RMI2: variants seen among roughly 807,000 people sequenced by gnomAD.
The protein encoded by RMI2 is recQ-mediated genome instability protein 2.
RMI2 carries 11 observed loss-of-function variants against 8.4 expected under a neutral mutation model. The observed-to-expected ratio is 1.32, with a 90% CI of 0.83 to 2.18. RMI2 has a LOEUF of 2.18. Ranked by LOEUF, RMI2 falls within the 30% of genes most tolerant of loss-of-function variation. RMI2 has a pLI of 0.00. For synonymous variants in RMI2, 105 were observed against 93.8 expected, an observed-to-expected ratio of 1.12 and a Z score of -0.69; for missense variants, 253 against 207.5, an observed-to-expected ratio of 1.22 and a Z score of -1.35.
rs1597759432 is a variant in RMI2 at position 11,349,240 on chromosome 16, G to GT, written c.296-1401dup. 6.5e-6 allele frequency: 1 copy of GT among 152,686 alleles called. No individual in the cohort carries two copies. Among genetic ancestry groups the GT allele is most frequent in the East Asian group, 1.9e-4 (1 of 5,200 alleles). The allele number at this position is 152,686 out of a possible 1,614,324, so 9.5% of individuals were successfully genotyped here. The stretch of plus-strand genomic sequence containing the variant: ...TGACAATGTTGACTGCAGCAGTGGG[G>GT]TGGGGATGGTTTCGAAGAGGAGGAA... On this transcript the variant is annotated intron_variant, in intron 1 of 1. Transcript: ENST00000312499. The surrounding 1 kb of genome is among the most constrained non-coding windows in gnomAD (Gnocchi z 4.2).
chr16:11,345,949 G>T (rs1172321200), intron 1 of RMI2, among the ~76,000 whole-genome samples, 183 bp downstream of exon 1: 2 of 150,998 alleles, frequency 1.3e-5, no homozygotes, highest in African/African-American at 4.9e-5. Context: ...TGGTGAAGTT[G>T]ATCTGATGAT....
At chr16:11,348,897 G>C (rs1227732302) in intron 1 of RMI2, 1 of 152,362 alleles carries the variant, frequency 6.6e-6, no homozygotes, top group Non-Finnish European at 1.5e-5. Context: ...GCGTGCCTTT[G>C]GGGAGCCTGG....
chr16:11,351,350 C>T lies in RMI2; in HGVS notation c.*560C>T, dbSNP rs908995290. 1.3e-5 allele frequency: 3 copies of T among 232,726 alleles called. No individual in the cohort carries two copies. Among genetic ancestry groups the T allele is most frequent in the Non-Finnish European group, 2.5e-5 (3 of 117,824 alleles). 14.4% of individuals were successfully genotyped at this position (232,726 alleles called of 1,614,324 possible). On this transcript the variant is annotated 3_prime_UTR_variant, in exon 2 of 2. Transcript: ENST00000312499. ...TGGCGGCCCCTGAAAGACAACAGCT[C>T]CCTTTCTGCTTCGGACACCACTCAA... is the stretch of plus-strand genomic sequence containing the variant.
Position 11,350,731 on chromosome 16 carries a change from C to T in RMI2, c.385C>T (p.Pro129Ser), listed in dbSNP as rs1433309454. The change falls in exon 2 of 2, where the codon CCC becomes TCC. Residue 129 changes from proline (P) to serine (S), a missense_variant. Pro to Ser is a moderately conservative substitution (Grantham distance 74). Transcript: ENST00000312499. ...AVKMTDLSDN[P>S]IHESMWELEV... is the part of the protein sequence containing the mutation. ...GAAGATGACAGACCTTTCTGATAAT[C>T]CCATCCATGAAAGTATGTGGGAACT... 4.3e-6 allele frequency: 7 copies of T among 1,613,138 alleles called. No individual in the cohort carries two copies. The highest frequency in any genetic ancestry group is 5.9e-6 in the Non-Finnish European group (7 of 1,179,332).
Position 11,345,771 on chromosome 16 carries a change from T to C in RMI2, c.295+5T>C. Reference sequence around the variant, plus strand: ...GGCGGCCCTGTCTAGTCCCAGGTAATGCCCGGGCCTTACCGGGCGCCCTCT... The same window carrying C: ...GGCGGCCCTGTCTAGTCCCAGGTAACGCCCGGGCCTTACCGGGCGCCCTCT... On this transcript the variant is annotated splice_donor_5th_base_variant and intron_variant, in intron 1 of 1. Coordinates refer to ENST00000312499, the MANE Select transcript of RMI2 (RefSeq NM_152308.3). The C allele has an allele frequency of 8.1e-7, 1 of 1,235,028 alleles. No individual in the cohort carries two copies. Among genetic ancestry groups the C allele is most frequent in the Non-Finnish European group, 1.0e-6 (1 of 989,410 alleles). 76.5% of individuals were successfully genotyped at this position (1,235,028 alleles called of 1,614,324 possible).
chr16:11,350,972 C>T lies in RMI2; in HGVS notation c.*182C>T. 2.1e-6 allele frequency: 1 copy of T among 487,462 alleles called. No homozygotes were observed. The highest frequency in any genetic ancestry group is 3.1e-5 in the South Asian group (1 of 31,948). The allele number at this position is 487,462 out of a possible 1,614,324, so 30.2% of individuals were successfully genotyped here. ...TTTAAATCCTCGGATACTTCAGTGA[C>T]ACAGCCTCTGCTGCCCCTTGCTTTG... On this transcript the variant is annotated 3_prime_UTR_variant, in exon 2 of 2. Transcript: ENST00000312499.
Position 11,351,013 on chromosome 16 carries a change from G to A in RMI2, c.*223G>A. ...CCTTGCTTTGCCTGTGTTTGCTGAT[G>A]AAAAGCAGATGCTTGTGTTTCATTT... On this transcript the variant is annotated 3_prime_UTR_variant, in exon 2 of 2. Transcript: ENST00000312499. The A allele has an allele frequency of 2.5e-6, 1 of 394,806 alleles. No homozygotes were observed. The highest frequency in any genetic ancestry group is 4.5e-6 in the Non-Finnish European group (1 of 221,332). The allele number at this position is 394,806 out of a possible 1,614,324, so 24.5% of individuals were successfully genotyped here.
chr16:11,348,471 C>T (rs2070914216), intron 1 of RMI2: 2 of 152,302 alleles, frequency 1.3e-5, no homozygotes, highest in Admixed American at 6.5e-5. Flanking sequence ...ACCTGTCTGA[C>T]ATACCCACTG....
Position 11,350,816 on chromosome 16 carries a change from C to T in RMI2, c.*26C>T. The T allele has an allele frequency of 6.4e-7, 1 of 1,569,620 alleles. No homozygotes were observed. The highest frequency in any genetic ancestry group is 8.6e-7 in the Non-Finnish European group (1 of 1,156,990). ...AGTATGTTGGAACTGTCGTTAAAAA[C>T]AACCAAAATCCCGAAACTATTTAGA... is the stretch of plus-strand genomic sequence containing the variant. On this transcript the variant is annotated 3_prime_UTR_variant, in exon 2 of 2. Transcript: ENST00000312499.
In RMI2 at chr16:11,349,277, A is replaced by T. The variant is rs2070929224; in HGVS notation, c.296-1365A>T. On this transcript the variant is annotated intron_variant, in intron 1 of 1. Coordinates refer to ENST00000312499, the MANE Select transcript of RMI2 (RefSeq NM_152308.3). The surrounding 1 kb of genome is among the most constrained non-coding windows in gnomAD (Gnocchi z 4.2). ...TCGAAGAGGAGGAAGCTGGCAGGAG[A>T]TGGGCTGGAGCCATTGGAATGGTCA... is the stretch of plus-strand genomic sequence containing the variant. 6.6e-6 allele frequency: 1 copy of T among 152,406 alleles called. No homozygotes were observed. The highest frequency in any genetic ancestry group is 6.6e-5 in the Admixed American group (1 of 15,250). The allele number at this position is 152,406 out of a possible 1,614,324, so 9.4% of individuals were successfully genotyped here.
At chr16:11,347,943 G>A (rs1294735734) in intron 1 of RMI2, among the ~76,000 whole-genome samples, 1 of 152,108 alleles carries the variant, frequency 6.6e-6, no homozygotes, top group Admixed American at 6.5e-5. Context: ...ACCACACCCG[G>A]CTAATTTTTG....
Position 11,350,620 on chromosome 16 carries a change from T to C in RMI2, c.296-22T>C, listed in dbSNP as rs766412930. On this transcript the variant is annotated intron_variant, in intron 1 of 1. Transcript: ENST00000312499. The stretch of plus-strand genomic sequence containing the variant: ...AAGAAAAAAAAAAAGAACATTACTA[T>C]GGGCTTTTCTTCTTTTTCTAGGAAA... 2.0e-6 allele frequency: 3 copies of C among 1,523,444 alleles called. No individual in the cohort carries two copies. In the Admixed American group the frequency reaches 7.0e-5, roughly 35 times the overall value. The allele number at this position is 1,523,444 out of a possible 1,614,324, so 94.4% of individuals were successfully genotyped here. A position where few individuals can be genotyped will look rare whatever the true frequency, so the allele number is the denominator to read the frequency against.
At position 11,350,885 on chromosome 16, in the gene RMI2, T is replaced by A; in HGVS notation, c.*95T>A. The A allele has an allele frequency of 9.4e-7, 1 of 1,060,190 alleles. No individual in the cohort carries two copies. Among genetic ancestry groups the A allele is most frequent in the Non-Finnish European group, 1.3e-6 (1 of 745,630 alleles). 65.7% of individuals were successfully genotyped at this position (1,060,190 alleles called of 1,614,324 possible). A position where few individuals can be genotyped will look rare whatever the true frequency, so the allele number is the denominator to read the frequency against. The stretch of plus-strand genomic sequence containing the variant: ...TTTCATGGACACTTTTCAATGCGTA[T>A]TTTTCAAATGCTTCTCAGAGAGCCT... On this transcript the variant is annotated 3_prime_UTR_variant, in exon 2 of 2. Transcript: ENST00000312499.
chr16:11,346,195 C>G (rs1299318882), intron 1 of RMI2, among the ~76,000 whole-genome samples: 3 of 152,008 alleles, frequency 2.0e-5, no homozygotes, highest in Non-Finnish European at 4.4e-5. Context: ...GGGAGACCCT[C>G]CTGTACTTCT....
chr16:11,345,587 G>C lies in RMI2; in HGVS notation c.116G>C (p.Gly39Ala). ...QLRRDAEGGP[G>A]AWRLSRAAAG... The stretch of plus-strand genomic sequence containing the variant: ...CGGCGCGACGCGGAGGGCGGCCCGG[G>C]CGCGTGGCGGCTGTCACGGGCGGCG... Residue 39 changes from glycine (G) to alanine (A), a missense_variant, in exon 1 of 2, where the codon GGC becomes GCC. Gly to Ala is a moderately conservative substitution (Grantham distance 60). Coordinates refer to ENST00000312499, the MANE Select transcript of RMI2 (RefSeq NM_152308.3). The C allele has an allele frequency of 8.2e-7, 1 of 1,223,272 alleles. No homozygotes were observed. Among genetic ancestry groups the C allele is most frequent in the Non-Finnish European group, 1.0e-6 (1 of 983,304 alleles). 75.8% of individuals were successfully genotyped at this position (1,223,272 alleles called of 1,614,324 possible). A position where few individuals can be genotyped will look rare whatever the true frequency, so the allele number is the denominator to read the frequency against.
At chr16:11,346,919 C>T (rs895413589) in intron 1 of RMI2, among the ~76,000 whole-genome samples, 2 of 152,228 alleles carry the variant, frequency 1.3e-5, no homozygotes, top group African/African-American at 4.8e-5. Context: ...AACCACTGGG[C>T]CAGCCCAAGC....
In RMI2 at chr16:11,350,662, G is replaced by C; in HGVS notation, c.316G>C (p.Gly106Arg). 6.3e-7 allele frequency: 1 copy of C among 1,585,014 alleles called. No homozygotes were observed. The highest frequency in any genetic ancestry group is 8.5e-7 in the Non-Finnish European group (1 of 1,170,974). ...TCTAGGAAAGTATGTGATGGTGATG[G>C]GAGTGGTTCAGGCCTGCAGCCCTGA... ...LVPGKYVMVM[G>R]VVQACSPEPC... The change falls in exon 2 of 2, where the codon GGA becomes CGA. Residue 106 changes from glycine to arginine, a missense_variant. Gly to Arg is a moderately radical substitution (Grantham distance 125, BLOSUM62 -2). Coordinates refer to ENST00000312499, the MANE Select transcript of RMI2 (RefSeq NM_152308.3).
Position 11,350,622 on chromosome 16 carries a change from G to C in RMI2, c.296-20G>C. 6.5e-7 allele frequency: 1 copy of C among 1,532,718 alleles called. No individual in the cohort carries two copies. Among genetic ancestry groups the C allele is most frequent in the Non-Finnish European group, 8.7e-7 (1 of 1,143,724 alleles). 94.9% of individuals were successfully genotyped at this position (1,532,718 alleles called of 1,614,324 possible). A position where few individuals can be genotyped will look rare whatever the true frequency, so the allele number is the denominator to read the frequency against. On this transcript the variant is annotated intron_variant, in intron 1 of 1. Coordinates refer to ENST00000312499, the MANE Select transcript of RMI2 (RefSeq NM_152308.3). ...GAAAAAAAAAAAGAACATTACTATGGGCTTTTCTTCTTTTTCTAGGAAAGT... is the reference window on the plus strand; with the variant it reads ...GAAAAAAAAAAAGAACATTACTATGCGCTTTTCTTCTTTTTCTAGGAAAGT...
intron 1 of RMI2, among the ~76,000 whole-genome samples, chr16:11,346,025 C>A (rs2070861361): frequency 6.6e-6 from 1 of 152,236 alleles, no homozygotes; most frequent in Non-Finnish European, 1.5e-5. Context: ...TAGTGGGAAT[C>A]TTCTGGGGAG....
Sources: allele counts gnomAD v4.1 joint callset (sites outside exome capture counted in the v4.1 genomes callset), GRCh38; gene constraint gnomAD v4.1.1; non-coding constraint Gnocchi (gnomAD v3.1); transcripts MANE v1.5; gene names NCBI Gene and HGNC (gene_info 2026-07-23, HGNC 2026-07-21).